The following LRP1B variants were observed in gnomAD, a reference collection of about 807,000 sequenced individuals.
LRP1B encodes low-density lipoprotein receptor-related protein 1B.
Under a neutral mutation model 556.6 loss-of-function variants are expected in LRP1B, and 217 were observed. That is an observed-to-expected ratio of 0.39 (90% CI 0.35 to 0.44). The LOEUF is 0.44. Among genes scored for constraint, LRP1B ranks in the 20% least tolerant of loss-of-function variants. The pLI is 1.00. For missense variants in LRP1B, 5,053 were observed against 5,620.8 expected, an observed-to-expected ratio of 0.90 and a Z score of 3.23; for synonymous variants, 2,047 against 1,865.8, an observed-to-expected ratio of 1.10 and a Z score of -2.50.
chr2:140,821,549 T>C (rs894559316), intron 31 of LRP1B, among the ~76,000 whole-genome samples: 5 of 152,208 alleles, frequency 3.3e-5, no homozygotes, highest in Admixed American at 6.5e-5. Flanking sequence ...AATTTACTTC[T>C]AAAAACTGAG....
chr2:141,194,020 G>A (rs1026153345), intron 6 of LRP1B, among the ~76,000 whole-genome samples: 2 of 152,010 alleles, frequency 1.3e-5, no homozygotes, highest in African/African-American at 4.8e-5. Context: ...ATTTCCATCA[G>A]GTAGAAAAGA....
intron 2 of LRP1B, among the ~76,000 whole-genome samples, chr2:141,553,208 T>A (rs1685818870): frequency 6.6e-6 from 1 of 151,852 alleles, no homozygotes; most frequent in South Asian, 2.1e-4. Context: ...GAATAAGAGA[T>A]AAGGAAGAGG....
At position 142,095,658 on chromosome 2, in the gene LRP1B, C is replaced by T. The variant is rs113391343; in HGVS notation, c.82+34990G>A. ...GTGGCTTCTAAGTTTATTCAGGTCCCAAATTTTCCCTTTTTGAAGTAAGAA... is the reference window on the plus strand; with the variant it reads ...GTGGCTTCTAAGTTTATTCAGGTCCTAAATTTTCCCTTTTTGAAGTAAGAA... On this transcript the variant is annotated intron_variant, in intron 1 of 90. Coordinates refer to ENST00000389484, the MANE Select transcript of LRP1B (RefSeq NM_018557.3). Among the ~76,000 whole-genome samples, 52 of 151,782 alleles carry T rather than the reference C, an allele frequency of 3.4e-4. 2 individuals carry two copies. Among genetic ancestry groups the T allele is most frequent in the African/African-American group, 1.2e-3 (51 of 41,486 alleles).
At chr2:141,685,966 A>G (rs983020581) in intron 2 of LRP1B, among the ~76,000 whole-genome samples, 1 of 152,094 alleles carries the variant, frequency 6.6e-6, no homozygotes, top group African/African-American at 2.4e-5. Context: ...GCATTTATCC[A>G]AACAATTTCT....
At chr2:141,845,056 A>G (rs1697597951) in intron 1 of LRP1B, among the ~76,000 whole-genome samples, 1 of 151,580 alleles carries the variant, frequency 6.6e-6, no homozygotes, top group Non-Finnish European at 1.5e-5. Context: ...TCACCTGAAA[A>G]TTAGCTAATC....
chr2:140,305,974 A>G (rs553452151), intron 83 of LRP1B, among the ~76,000 whole-genome samples: 1,920 of 149,050 alleles, frequency 0.013, 14 homozygotes, highest in African/African-American at 0.017. Context: ...TGCGTATGTT[A>G]AACCAGCCTT....
chr2:140,941,473 A>T (rs1695400331), intron 20 of LRP1B, among the ~76,000 whole-genome samples: 1 of 152,194 alleles, frequency 6.6e-6, no homozygotes, highest in Non-Finnish European at 1.5e-5. Context: ...AAACCAAACC[A>T]GACCTAAGCA....
Position 140,373,151 on chromosome 2 carries a change from CAG to C in LRP1B, c.10639-16_10639-15del. 6.2e-7 allele frequency: 1 copy of C among 1,610,632 alleles called. No homozygotes were observed. The highest frequency in any genetic ancestry group is 8.5e-7 in the Non-Finnish European group (1 of 1,177,960). On this transcript the variant is annotated splice_polypyrimidine_tract_variant and intron_variant, in intron 68 of 90. Coordinates refer to ENST00000389484, the MANE Select transcript of LRP1B (RefSeq NM_018557.3). ...CTCACAATTTCTCTATGAAAAACAA[CAG>C]AGATATAATCAAAATTAAAATTTTA...
intron 41 of LRP1B, among the ~76,000 whole-genome samples, chr2:140,682,701 T>TGTGTGTGTGC (rs1191337738): frequency 2.6e-5 from 4 of 151,520 alleles, no homozygotes; most frequent in Non-Finnish European, 1.5e-5. Context: ...TGTGTGTGCG[T>TGTGTGTGTGC]GCACCTTGTA....
intron 2 of LRP1B, among the ~76,000 whole-genome samples, chr2:141,752,911 T>C (rs1416846728): frequency 3.8e-5 from 4 of 106,420 alleles, no homozygotes; most frequent in Non-Finnish European, 3.6e-5. Flanking sequence ...GCCACTGAAC[T>C]CCAGCCTGGG....
intron 59 of LRP1B, among the ~76,000 whole-genome samples, chr2:140,476,541 T>C (rs1687982483): frequency 6.6e-6 from 1 of 151,944 alleles, no homozygotes; most frequent in Non-Finnish European, 1.5e-5. Context: ...GAAAGAGTTT[T>C]CAGGAAAATA....
At chr2:142,018,253 C>A (rs978616880) in intron 1 of LRP1B, among the ~76,000 whole-genome samples, 1 of 152,098 alleles carries the variant, frequency 6.6e-6, no homozygotes, top group African/African-American at 2.4e-5. Flanking sequence ...ATATTTAAAT[C>A]ATGCTGTCTC....
At chr2:141,390,291 G>GA (rs769148910) in intron 3 of LRP1B, among the ~76,000 whole-genome samples, 6 of 150,842 alleles carry the variant, frequency 4.0e-5, no homozygotes, top group Admixed American at 6.6e-5. Context: ...TTTTAATAAA[G>GA]AAAAAAAAAG....
At chr2:141,753,262 C>CT (rs70994451) in intron 2 of LRP1B, among the ~76,000 whole-genome samples, 2,005 of 36,148 alleles carry the variant, frequency 0.055, 143 homozygotes, top group Admixed American at 0.25. Context: ...CTCTCTCTCT[C>CT]CATATATATA....
chr2:141,483,000 G>C (rs549372479), intron 2 of LRP1B, among the ~76,000 whole-genome samples: 1 of 151,576 alleles, frequency 6.6e-6, no homozygotes, highest in Non-Finnish European at 1.5e-5. Context: ...TTTAGGGTAC[G>C]TGTGCACAAC....
At chr2:142,016,794 T>G (rs1252241627) in intron 1 of LRP1B, among the ~76,000 whole-genome samples, 1 of 149,922 alleles carries the variant, frequency 6.7e-6, no homozygotes, top group Non-Finnish European at 1.5e-5. Flanking sequence ...ACCTGCACGT[T>G]CTGCACATTT....
chr2:140,367,807 A>C (rs1306470345), intron 71 of LRP1B, among the ~76,000 whole-genome samples: 2 of 151,744 alleles, frequency 1.3e-5, no homozygotes, highest in Non-Finnish European at 2.9e-5. Flanking sequence ...ACAATGGATT[A>C]CATTCAAACA....
chr2:141,517,760 G>A lies in LRP1B; in HGVS notation c.206-37227C>T, dbSNP rs1168871890. The stretch of plus-strand genomic sequence containing the variant: ...AAGGAACTACCAGGCTTTTACCAAA[G>A]ATGTTTCATTTATATCTAGAAAAGC... On this transcript the variant is annotated intron_variant, in intron 2 of 90. Transcript: ENST00000389484. 2.6e-5 allele frequency among the ~76,000 whole-genome samples: 4 copies of A among 152,144 alleles called. No homozygotes were observed. The East Asian group carries it at 7.7e-4, about 29-fold the overall frequency.
intron 2 of LRP1B, among the ~76,000 whole-genome samples, chr2:141,573,758 A>G (rs886409076): frequency 8.5e-5 from 13 of 152,114 alleles, no homozygotes; most frequent in African/African-American, 3.1e-4. Context: ...AAAATGATAA[A>G]AGGGATATCA....
Sources: gnomAD v4.1 joint callset for allele counts (sites outside exome capture counted in the v4.1 genomes callset) on GRCh38, gnomAD v4.1.1 for gene constraint, MANE v1.5 for transcripts, NCBI Gene and HGNC (gene_info 2026-07-23, HGNC 2026-07-21) for gene names.